RSPRY1: variants seen among roughly 807,000 people sequenced by gnomAD.
RSPRY1 encodes RING finger and SPRY domain-containing protein 1.
Under a neutral mutation model 73.1 loss-of-function variants are expected in RSPRY1, and 23 were observed. The ratio of observed to expected loss-of-function variants is 0.31; its 90% CI spans 0.23 to 0.45. RSPRY1 has a LOEUF of 0.45. Ranked by LOEUF, RSPRY1 falls within the 20% of genes least tolerant of loss-of-function variation. The pLI, the probability that RSPRY1 is intolerant of heterozygous loss-of-function variation, is 1.00. For synonymous variants in RSPRY1, 226 were observed against 251.4 expected (o/e 0.90, Z 0.95); for missense variants, 448 against 698.7 (o/e 0.64, Z 4.05).
At chr16:57,211,778 C>A (rs1008490914) in intron 4 of RSPRY1, among the ~76,000 whole-genome samples, 5 of 150,170 alleles carry the variant, frequency 3.3e-5, no homozygotes, top group African/African-American at 1.2e-4. Context: ...TGGAGTCTTG[C>A]TATGTTGCCC....
chr16:57,202,070 C>G (rs1005793275), intron 1 of RSPRY1, among the ~76,000 whole-genome samples: 2 of 152,042 alleles, frequency 1.3e-5, no homozygotes, highest in African/African-American at 4.8e-5. Flanking sequence ...ACCCGTAATC[C>G]CAATACTTGG....
rs1567521250 is a variant in RSPRY1, at chr16:57,238,974, G to A, written c.1730G>A (p.Ter577=). ...ATCAGACAGATTTCTCATATTTCAT[G>A]ACACATGTGAAGAGGCATCGTGGAC... ...SRIRQISHIS[*] is the part of the protein sequence containing the mutation. The change falls in exon 15 of 15, where the codon TGA becomes TAA. Residue 577 remains the stop codon, a stop_retained_variant. Coordinates refer to ENST00000394420, the MANE Select transcript of RSPRY1 (RefSeq NM_133368.3). 1.3e-6 allele frequency: 2 copies of A among 1,555,898 alleles called. No homozygotes were observed. The highest frequency in any genetic ancestry group is 1.8e-6 in the Non-Finnish European group (2 of 1,133,058).
chr16:57,210,856 A>G (rs1051310903), intron 4 of RSPRY1, among the ~76,000 whole-genome samples: 2 of 152,068 alleles, frequency 1.3e-5, no homozygotes, highest in South Asian at 4.2e-4. Flanking sequence ...GTTTCTACAA[A>G]AAAATCCAAA....
chr16:57,213,731 CTG>C (rs1283392535), intron 5 of RSPRY1, among the ~76,000 whole-genome samples, 155 bp from the exon 6 acceptor site: 1 of 152,212 alleles, frequency 6.6e-6, no homozygotes, highest in African/African-American at 2.4e-5. Flanking sequence ...ACTTGCTTAA[CTG>C]TGAAATGGAG....
At chr16:57,214,654 T>C (rs2074906528) in intron 6 of RSPRY1, among the ~76,000 whole-genome samples, 1 of 152,256 alleles carries the variant, frequency 6.6e-6, no homozygotes, top group East Asian at 1.9e-4. Flanking sequence ...ATTGGTTAGT[T>C]GAGGAAACAA....
At chr16:57,200,222 G>A (rs1389095243) in intron 1 of RSPRY1, among the ~76,000 whole-genome samples, 1 of 148,556 alleles carries the variant, frequency 6.7e-6, no homozygotes, top group Non-Finnish European at 1.5e-5. Flanking sequence ...AGGGTTGGGG[G>A]TAAGGTCACA....
At chr16:57,237,999 A>G (rs1820334937) in intron 14 of RSPRY1, among the ~76,000 whole-genome samples, 1 of 152,248 alleles carries the variant, frequency 6.6e-6, no homozygotes, top group Non-Finnish European at 1.5e-5. Context: ...CACCACTATG[A>G]CTTACAAAAT....
chr16:57,231,426 C>G, intron 13 of RSPRY1, 107 bp downstream of exon 13: 2 of 1,158,950 alleles, frequency 1.7e-6, no homozygotes, highest in Non-Finnish European at 1.2e-6. Context: ...TTTTGAAAAC[C>G]TGAGTAAAAT....
chr16:57,199,179 A>G (rs560251640), intron 1 of RSPRY1, among the ~76,000 whole-genome samples: 8 of 152,328 alleles, frequency 5.3e-5, no homozygotes, highest in African/African-American at 1.9e-4. Flanking sequence ...AGCAATATTT[A>G]TGGCTTCATT....
chr16:57,221,155 C>A, intron 9 of RSPRY1, 117 bp from the exon 10 acceptor site: 9 of 1,259,150 alleles, frequency 7.1e-6, no homozygotes, highest in Non-Finnish European at 9.0e-6. Flanking sequence ...GAGGAGGAAG[C>A]AATAGTCCAC....
upstream of RSPRY1, chr16:57,186,238 G>C: frequency 1.1e-6 from 1 of 930,278 alleles, no homozygotes; most frequent in South Asian, 5.0e-5. Context: ...TTTGAAAGGT[G>C]ATTGGCTGTC....
chr16:57,229,327 C>G (rs188654116), intron 11 of RSPRY1, among the ~76,000 whole-genome samples: 1 of 152,148 alleles, frequency 6.6e-6, no homozygotes, highest in African/African-American at 2.4e-5. Flanking sequence ...TTGGGCCAGA[C>G]GTGGTGGCTC....
At chr16:57,198,296 A>C (rs1246777802) in intron 1 of RSPRY1, among the ~76,000 whole-genome samples, 1 of 151,994 alleles carries the variant, frequency 6.6e-6, no homozygotes, top group African/African-American at 2.4e-5. Flanking sequence ...AGGCAGGAGA[A>C]TGGCATGAAC....
intron 2 of RSPRY1, among the ~76,000 whole-genome samples, chr16:57,205,993 G>A (rs911990911): frequency 9.9e-5 from 15 of 152,236 alleles, no homozygotes; most frequent in South Asian, 4.1e-4. Context: ...ACCCAGTTTC[G>A]TTTAGTTCCT....
At chr16:57,197,101 T>G (rs904571380) in intron 1 of RSPRY1, among the ~76,000 whole-genome samples, 2 of 152,188 alleles carry the variant, frequency 1.3e-5, no homozygotes, top group African/African-American at 2.4e-5. Flanking sequence ...CTTAAAGCAG[T>G]GGTCCTTGGA....
chr16:57,207,717 C>T (rs2074753860), intron 2 of RSPRY1: 4 of 471,482 alleles, frequency 8.5e-6, no homozygotes, highest in Admixed American at 4.7e-5. Context: ...ACCTTCCTGG[C>T]TTGTCTCAGT....
At chr16:57,234,406 T>C (rs2075271527) in intron 13 of RSPRY1, among the ~76,000 whole-genome samples, 1 of 152,240 alleles carries the variant, frequency 6.6e-6, no homozygotes, top group Non-Finnish European at 1.5e-5. Flanking sequence ...TTTAACACTG[T>C]ATTTTACTTA....
At chr16:57,230,641 T>G (rs2075201039) in intron 11 of RSPRY1, 70 bp from the exon 12 acceptor site, 2 of 855,694 alleles carry the variant, frequency 2.3e-6, no homozygotes, top group South Asian at 1.4e-5. Flanking sequence ...ATTGAAACAC[T>G]TGAGATGCTT....
At chr16:57,226,162 C>G (rs888420940) in intron 10 of RSPRY1, among the ~76,000 whole-genome samples, 25 of 152,298 alleles carry the variant, frequency 1.6e-4, no homozygotes, top group African/African-American at 6.0e-4. Context: ...GCTGAGTGTC[C>G]ACTATAACCT....
Sources: allele counts gnomAD v4.1 joint callset (sites outside exome capture counted in the v4.1 genomes callset), GRCh38; gene constraint gnomAD v4.1.1; transcripts MANE v1.5; gene names NCBI Gene and HGNC (gene_info 2026-07-23, HGNC 2026-07-21).